Variants in DRC4 observed in about 807,000 individuals in gnomAD.
DRC4 encodes the protein dynein regulatory complex subunit 4.
At chr16:90,035,816 A>T in the DRC4 span, 5 of 1,590,710 alleles carry the variant, frequency 3.1e-6, no homozygotes, top group Non-Finnish European at 4.3e-6. Context: ...CATGCAAGAG[A>T]AAGAACATGG....
the DRC4 span, chr16:90,029,503 G>C: frequency 2.5e-6 from 1 of 394,438 alleles, no homozygotes; most frequent in African/African-American, 2.1e-5. Flanking sequence ...CAGGAGCCCT[G>C]GTTCAGGCTC....
At chr16:90,033,210 C>G in the DRC4 span, among the ~76,000 whole-genome samples, 1 of 152,216 alleles carries the variant, frequency 6.6e-6, no homozygotes, top group African/African-American at 2.4e-5. Context: ...CACCTGACAC[C>G]CAGAGACTTT....
At chr16:90,029,335 A>C in the DRC4 span, 4 of 1,358,900 alleles carry the variant, frequency 2.9e-6, no homozygotes, top group Non-Finnish European at 3.9e-6. Flanking sequence ...AGCAGAGGAC[A>C]GTTTCATCTG....
chr16:90,028,495 C>A, the DRC4 span, among the ~76,000 whole-genome samples: 2 of 152,110 alleles, frequency 1.3e-5, no homozygotes, highest in African/African-American at 4.8e-5. Context: ...GCCAGTCATT[C>A]ATTGTTTTTG....
At chr16:90,043,637 C>A in the DRC4 span, 18 of 578,538 alleles carry the variant, frequency 3.1e-5, no homozygotes, top group Non-Finnish European at 5.4e-5. Context: ...CTCAGAGTGC[C>A]CCGCACTCAC....
At chr16:90,033,349 G>A in the DRC4 span, among the ~76,000 whole-genome samples, 1 of 152,216 alleles carries the variant, frequency 6.6e-6, no homozygotes, top group East Asian at 1.9e-4. Context: ...TTGAGGCTGG[G>A]GGTTTCCAGG....
chr16:90,030,484 G>A, the DRC4 span, among the ~76,000 whole-genome samples: 2 of 151,466 alleles, frequency 1.3e-5, no homozygotes, highest in African/African-American at 2.4e-5. Context: ...GGGACTATAG[G>A]CATGTGCCAC....
At chr16:90,042,765 G>T in the DRC4 span, 4 of 561,948 alleles carry the variant, frequency 7.1e-6, no homozygotes, top group African/African-American at 5.6e-5. Context: ...ATGGGTGTAG[G>T]GGGGGACCTG....
chr16:90,040,345 A>G, the DRC4 span: 1 of 1,605,168 alleles, frequency 6.2e-7, no homozygotes, highest in Non-Finnish European at 8.5e-7. Context: ...CACCGCAGCC[A>G]TCCAGGAGGT....
the DRC4 span, chr16:90,042,523 C>T: frequency 5.6e-6 from 9 of 1,613,660 alleles, no homozygotes; most frequent in South Asian, 8.8e-5. Context: ...ATGAGCTGGC[C>T]CAGGTCTGTA....
chr16:90,035,729 C>A, the DRC4 span: 1 of 1,614,046 alleles, frequency 6.2e-7, no homozygotes, highest in Non-Finnish European at 8.5e-7. Flanking sequence ...CCAGAGACAC[C>A]CCCGCCCCAT....
At chr16:90,030,368 G>T in the DRC4 span, among the ~76,000 whole-genome samples, 1 of 151,984 alleles carries the variant, frequency 6.6e-6, no homozygotes, top group South Asian at 2.1e-4. Flanking sequence ...TAGAGACAGG[G>T]TCCTGCTCTG....
At chr16:90,037,721 C>A in the DRC4 span, 1 of 1,573,150 alleles carries the variant, frequency 6.4e-7, no homozygotes, top group Non-Finnish European at 8.7e-7. Context: ...GACTGTGAAT[C>A]TTGAATACTT....
chr16:90,039,542 C>T, the DRC4 span, among the ~76,000 whole-genome samples: 2 of 152,000 alleles, frequency 1.3e-5, no homozygotes, highest in African/African-American at 2.4e-5. Flanking sequence ...CCTGCCACCA[C>T]GCCCGGCTAA....
the DRC4 span, among the ~76,000 whole-genome samples, chr16:90,034,033 G>T: frequency 6.6e-6 from 1 of 151,958 alleles, no homozygotes; most frequent in African/African-American, 2.4e-5. Context: ...AAGCCGTGGT[G>T]GGGACTGGGA....
chr16:90,040,245 C>T, the DRC4 span: 2,934 of 1,508,138 alleles, frequency 1.9e-3, 45 homozygotes, highest in African/African-American at 0.035. Context: ...ATCTTCCCAG[C>T]GAGATGTCCC....
At chr16:90,037,129 C>T in the DRC4 span, 1 of 1,186,732 alleles carries the variant, frequency 8.4e-7, no homozygotes, top group Non-Finnish European at 1.2e-6. Flanking sequence ...AGGCTGGCAG[C>T]AGCTGGTGAT....
the DRC4 span, chr16:90,032,705 C>T: frequency 8.1e-6 from 13 of 1,612,598 alleles, no homozygotes; most frequent in Admixed American, 1.0e-4. Context: ...ATGGTACTCC[C>T]ATTGCCCTGC....
chr16:90,042,138 G>T, the DRC4 span, among the ~76,000 whole-genome samples: 1 of 152,206 alleles, frequency 6.6e-6, no homozygotes, highest in South Asian at 2.1e-4. Flanking sequence ...GTTTCGCCAC[G>T]TTGGCCAGGC....
Sources: allele counts gnomAD v4.1 joint callset (sites outside exome capture counted in the v4.1 genomes callset), GRCh38; gene constraint gnomAD v4.1.1; transcripts MANE v1.5; gene names NCBI Gene and HGNC (gene_info 2026-07-23, HGNC 2026-07-21).